CSMD1: variants seen among roughly 807,000 people sequenced by gnomAD.
The protein encoded by CSMD1 is CUB and sushi domain-containing protein 1.
CSMD1 carries 213 observed loss-of-function variants against 417.5 expected under a neutral mutation model. The ratio of observed to expected loss-of-function variants is 0.51; its 90% confidence interval spans 0.46 to 0.57. The LOEUF is 0.57. Among genes scored for constraint, CSMD1 ranks in the 20% least tolerant of loss-of-function variants. The pLI is 0.00. For missense variants in CSMD1, 6,923 were observed against 4,529.7 expected, an observed-to-expected ratio of 1.53 and a Z score of -15.17; for synonymous variants, 2,862 against 1,736.8, an observed-to-expected ratio of 1.65 and a Z score of -16.11.
intron 2 of CSMD1, among the ~76,000 whole-genome samples, chr8:4,630,136 C>T (rs893159804): frequency 6.6e-6 from 1 of 152,106 alleles, no homozygotes; most frequent in Non-Finnish European, 1.5e-5. Context: ...AATTCACATG[C>T]CTGTCAAAAC....
intron 26 of CSMD1, among the ~76,000 whole-genome samples, chr8:3,247,812 G>T (rs911125302): frequency 5.3e-5 from 8 of 152,158 alleles, no homozygotes; most frequent in African/African-American, 1.9e-4. Context: ...GAATCACAAT[G>T]AAACCTCCAA....
At chr8:3,483,126 C>G (rs1817837594) in intron 11 of CSMD1, among the ~76,000 whole-genome samples, 1 of 151,662 alleles carries the variant, frequency 6.6e-6, no homozygotes, top group African/African-American at 2.4e-5. Flanking sequence ...CGATAGAGGT[C>G]TAAATTAATG....
intron 5 of CSMD1, among the ~76,000 whole-genome samples, chr8:3,980,833 G>A (rs1405765194): frequency 6.6e-6 from 1 of 152,158 alleles, no homozygotes. Flanking sequence ...CCCACTCCCA[G>A]CAGTTGGCTA....
chr8:4,898,019 C>T (rs1804618798), intron 1 of CSMD1, among the ~76,000 whole-genome samples: 2 of 151,994 alleles, frequency 1.3e-5, no homozygotes, highest in African/African-American at 2.4e-5. Context: ...AAACAGACTT[C>T]AGTTTATAAA....
At chr8:4,162,876 T>G (rs1797251050) in intron 3 of CSMD1, among the ~76,000 whole-genome samples, 2 of 152,180 alleles carry the variant, frequency 1.3e-5, no homozygotes, top group African/African-American at 2.4e-5. Flanking sequence ...TTCCCCGCCC[T>G]AAAAATTTCC....
intron 10 of CSMD1, among the ~76,000 whole-genome samples, chr8:3,554,847 G>A (rs1185251073): frequency 6.6e-6 from 1 of 152,128 alleles, no homozygotes; most frequent in Non-Finnish European, 1.5e-5. Context: ...AGTGCTGTGT[G>A]AACAGCCAGC....
At chr8:4,019,122 G>A (rs187969834) in intron 4 of CSMD1, among the ~76,000 whole-genome samples, 176 of 152,172 alleles carry the variant, frequency 1.2e-3, no homozygotes, top group African/African-American at 3.9e-3. Context: ...TTTGTACTAG[G>A]CCATGGTATC....
At chr8:4,345,029 A>G (rs113560285) in intron 3 of CSMD1, among the ~76,000 whole-genome samples, 62 of 152,252 alleles carry the variant, frequency 4.1e-4, no homozygotes, top group African/African-American at 1.4e-3. Context: ...GCATCACACC[A>G]TAACATCAAG....
At chr8:3,926,469 A>G (rs567696648) in intron 5 of CSMD1, among the ~76,000 whole-genome samples, 1 of 150,374 alleles carries the variant, frequency 6.7e-6, no homozygotes, top group African/African-American at 2.4e-5. Context: ...GAGTGAATAC[A>G]TGTGTTGCAT....
intron 10 of CSMD1, among the ~76,000 whole-genome samples, chr8:3,520,052 G>T (rs1357987052): frequency 8.6e-6 from 1 of 116,676 alleles, no homozygotes; most frequent in Non-Finnish European, 1.7e-5. Flanking sequence ...ACGTATAGTT[G>T]TGAAACTTGC....
chr8:4,543,804 A>T (rs1468695259), intron 2 of CSMD1, among the ~76,000 whole-genome samples: 1 of 151,986 alleles, frequency 6.6e-6, no homozygotes, highest in Non-Finnish European at 1.5e-5. Context: ...TTTGATGTCA[A>T]CATTTTGAAT....
At chr8:3,531,951 C>G (rs912691835) in intron 10 of CSMD1, among the ~76,000 whole-genome samples, 1 of 152,164 alleles carries the variant, frequency 6.6e-6, no homozygotes, top group Non-Finnish European at 1.5e-5. Context: ...TGAGGACCCA[C>G]CTGCAAAATA....
At chr8:4,040,476 T>G (rs2130630041) in intron 3 of CSMD1, among the ~76,000 whole-genome samples, 1 of 152,328 alleles carries the variant, frequency 6.6e-6, no homozygotes, top group Admixed American at 6.5e-5. Context: ...TCAGAATCTC[T>G]ACTTGCAAGC....
At chr8:4,447,095 G>C (rs1470646789) in intron 2 of CSMD1, among the ~76,000 whole-genome samples, 2 of 152,000 alleles carry the variant, frequency 1.3e-5, no homozygotes, top group African/African-American at 4.8e-5. Flanking sequence ...CGTCTCTTTG[G>C]GAAAAGGTAC....
chr8:3,776,905 G>A (rs1172473875), intron 5 of CSMD1, among the ~76,000 whole-genome samples: 3 of 151,222 alleles, frequency 2.0e-5, no homozygotes, highest in Non-Finnish European at 4.4e-5. Flanking sequence ...TGCAGAGACG[G>A]GGTCTCACCA....
chr8:3,714,561 CAAAAA>C (rs61494901), intron 6 of CSMD1, among the ~76,000 whole-genome samples: 2 of 70,576 alleles, frequency 2.8e-5, no homozygotes, highest in South Asian at 5.6e-4. Context: ...ATCTCTATCC[CAAAAA>C]AAAAAAAAAA....
intron 1 of CSMD1, among the ~76,000 whole-genome samples, chr8:4,803,641 T>A (rs969917880): frequency 6.6e-6 from 1 of 152,214 alleles, no homozygotes; most frequent in African/African-American, 2.4e-5. Context: ...CTATCCTCCA[T>A]CCAATAGAAT....
intron 10 of CSMD1, among the ~76,000 whole-genome samples, chr8:3,507,752 C>A (rs184890091): frequency 6.6e-6 from 1 of 152,112 alleles, no homozygotes; most frequent in Non-Finnish European, 1.5e-5. Flanking sequence ...TCTCTGATGG[C>A]CAGTGATGAT....
At chr8:4,491,041 G>A (rs565096403) in intron 2 of CSMD1, among the ~76,000 whole-genome samples, 2 of 152,258 alleles carry the variant, frequency 1.3e-5, no homozygotes, top group South Asian at 2.1e-4. Context: ...TATGGTACCT[G>A]GCTGTGGTGA....
Sources: allele counts gnomAD v4.1 joint callset (sites outside exome capture counted in the v4.1 genomes callset), GRCh38; gene constraint gnomAD v4.1.1; transcripts MANE v1.5; gene names NCBI Gene and HGNC (gene_info 2026-07-23, HGNC 2026-07-21).